Variants in EXOSC10 observed in about 807,000 individuals in gnomAD.
EXOSC10 encodes exosome complex component 10.
Under a neutral mutation model 126.6 loss-of-function variants are expected in EXOSC10, and 94 were observed. The ratio of observed to expected loss-of-function variants is 0.74; its 90% CI spans 0.63 to 0.88. EXOSC10 has a LOEUF of 0.88. EXOSC10 is among the 40% of genes least tolerant of loss of function. The probability of loss-of-function intolerance (pLI) is 0.00; values close to 1 mark genes in which losing one functional copy is unlikely to be tolerated. For missense variants in EXOSC10, 1,041 were observed against 1,100.5 expected (o/e 0.95, Z 0.77); for synonymous variants, 395 against 400.8 (o/e 0.99, Z 0.17).
chr1:11,075,307 C>T (rs950008084), intron 17 of EXOSC10, among the ~76,000 whole-genome samples: 2 of 152,208 alleles, frequency 1.3e-5, no homozygotes, highest in Non-Finnish European at 2.9e-5. Context: ...GTGTGAGCCA[C>T]CACGCCAGGC....
At chr1:11,078,509 G>T (rs908100331) in intron 14 of EXOSC10, among the ~76,000 whole-genome samples, 2 of 151,900 alleles carry the variant, frequency 1.3e-5, no homozygotes, top group African/African-American at 2.4e-5. Context: ...CGCCCGCCTC[G>T]GCCTCCCAAA....
intron 1 of EXOSC10, 108 bp from the exon 2 acceptor site, chr1:11,098,264 A>G (rs954083249): frequency 4.5e-6 from 6 of 1,345,598 alleles, no homozygotes; most frequent in South Asian, 1.6e-5. Flanking sequence ...CATCCATCAA[A>G]AAAAGCACTC....
intron 17 of EXOSC10, among the ~76,000 whole-genome samples, chr1:11,074,715 C>T (rs998579192): frequency 6.6e-6 from 1 of 151,874 alleles, no homozygotes; most frequent in Non-Finnish European, 1.5e-5. Context: ...ACGCACCCGG[C>T]CAGTAACAGT....
At chr1:11,095,581 G>T in intron 3 of EXOSC10, 177 bp downstream of exon 3, 1 of 468,558 alleles carries the variant, frequency 2.1e-6, no homozygotes, top group Non-Finnish European at 3.9e-6. Context: ...AGGTGTGGTG[G>T]CGGGCGCCTG....
At chr1:11,097,067 G>A (rs920803676) in intron 2 of EXOSC10, among the ~76,000 whole-genome samples, 6 of 152,076 alleles carry the variant, frequency 3.9e-5, no homozygotes, top group African/African-American at 7.2e-5. Flanking sequence ...AAAATTAGCC[G>A]GGAATGGTCG....
At chr1:11,079,010 C>G (rs1470237628) in intron 14 of EXOSC10, among the ~76,000 whole-genome samples, 1 of 152,054 alleles carries the variant, frequency 6.6e-6, no homozygotes, top group Non-Finnish European at 1.5e-5. Flanking sequence ...TAGGAAGCCA[C>G]AAGGAATAAG....
chr1:11,075,181 C>T lies in EXOSC10; in HGVS notation c.1987-855G>A, dbSNP rs1327932251. Among the ~76,000 whole-genome samples the T allele has an allele frequency of 4.6e-5, 7 of 151,868 alleles. No homozygotes were observed. The South Asian group carries it at 6.2e-4, about 14-fold the overall frequency. On this transcript the variant is annotated intron_variant, in intron 17 of 24. Transcript: ENST00000376936. ...ACGAGTAGCTGGGATTACAAGCGTG[C>T]GCCACAATGCCCGGCTAATTAAAGA...
At chr1:11,082,983 C>G in intron 9 of EXOSC10, 105 bp from the exon 10 acceptor site, 1 of 897,832 alleles carries the variant, frequency 1.1e-6, no homozygotes, top group East Asian at 2.5e-5. Context: ...AGAAGGTAGT[C>G]TCCGCTGTCC....
chr1:11,091,257 T>C (rs2273336), intron 4 of EXOSC10, 78 bp from the exon 5 acceptor site: 57,892 of 1,388,728 alleles, frequency 0.042, 2,410 homozygotes, highest in African/African-American at 0.15. Flanking sequence ...TTATGACTTC[T>C]GAGGAGACAA....
At chr1:11,068,994 C>A (rs900051081) in intron 22 of EXOSC10, 1 of 479,834 alleles carries the variant, frequency 2.1e-6, no homozygotes, top group Non-Finnish European at 3.8e-6. Flanking sequence ...CCATTCTGAT[C>A]TCTGTGCTGG....
At chr1:11,074,734 T>C (rs1204116972) in intron 17 of EXOSC10, among the ~76,000 whole-genome samples, 1 of 152,148 alleles carries the variant, frequency 6.6e-6, no homozygotes, top group East Asian at 1.9e-4. Context: ...GTGATATTAA[T>C]ACCAATGGCT....
At chr1:11,090,085 C>T (rs1369730281) in intron 6 of EXOSC10, among the ~76,000 whole-genome samples, 1 of 151,670 alleles carries the variant, frequency 6.6e-6, no homozygotes, top group Non-Finnish European at 1.5e-5. Flanking sequence ...GCAACCTCCA[C>T]CTCCCAAGTT....
Position 11,080,583 on chromosome 1 carries a change from C to T in EXOSC10, c.1587-34G>A, listed in dbSNP as rs750340671. The T allele has an allele frequency of 1.8e-5, 29 of 1,599,732 alleles. No homozygotes were observed. In the African/African-American group the frequency reaches 3.5e-4, roughly 19 times the overall value. ...AAAAAAACACACACACACACACACACACACACACACACACACACACACGGT... is the reference window on the plus strand; with the variant it reads ...AAAAAAACACACACACACACACACATACACACACACACACACACACACGGT... On this transcript the variant is annotated intron_variant, in intron 12 of 24. Transcript: ENST00000376936.
intron 13 of EXOSC10, 80 bp from the exon 14 acceptor site, chr1:11,079,902 G>C: frequency 8.8e-7 from 1 of 1,141,586 alleles, no homozygotes; most frequent in Non-Finnish European, 1.3e-6. Context: ...ATAATGACTG[G>C]GTAAAGCCAG....
chr1:11,097,713 G>A (rs1570870220), intron 2 of EXOSC10, among the ~76,000 whole-genome samples: 2 of 151,314 alleles, frequency 1.3e-5, no homozygotes. Flanking sequence ...GCAATAGAGC[G>A]AGACTCCGTC....
At chr1:11,097,301 C>T (rs1429674348) in intron 2 of EXOSC10, among the ~76,000 whole-genome samples, 1 of 151,646 alleles carries the variant, frequency 6.6e-6, no homozygotes, top group Non-Finnish European at 1.5e-5. Flanking sequence ...TCGCTTGAAC[C>T]TGGGAGGCGC....
At position 11,087,598 on chromosome 1, in the gene EXOSC10, C is replaced by T; in HGVS notation, c.946-7G>A. On this transcript the variant is annotated splice_polypyrimidine_tract_variant and splice_region_variant and intron_variant, in intron 8 of 24. Transcript: ENST00000376936. ...AGCTCCTGTAAGAGTGGTGCTAAAC[C>T]CCACAGAAGGAGGGGAGAAGAGGAA... 1 of 1,613,590 alleles carries T rather than the reference C, an allele frequency of 6.2e-7. No homozygotes were observed. The highest frequency in any genetic ancestry group is 8.5e-7 in the Non-Finnish European group (1 of 1,179,804).
At chr1:11,074,125 A>T in intron 18 of EXOSC10, 106 bp downstream of exon 18, 1 of 1,372,298 alleles carries the variant, frequency 7.3e-7, no homozygotes, top group Non-Finnish European at 1.0e-6. Context: ...CCAGGACACC[A>T]GGGCAGCCGA....
At chr1:11,097,203 C>T (rs1414375117) in intron 2 of EXOSC10, among the ~76,000 whole-genome samples, 4 of 151,268 alleles carry the variant, frequency 2.6e-5, no homozygotes, top group African/African-American at 9.7e-5. Context: ...GAGCAAGACT[C>T]CGTACTCCCC....
Sources: gnomAD v4.1 joint callset for allele counts (sites outside exome capture counted in the v4.1 genomes callset) on GRCh38, gnomAD v4.1.1 for gene constraint, MANE v1.5 for transcripts, NCBI Gene and HGNC (gene_info 2026-07-23, HGNC 2026-07-21) for gene names.